The following NME7 variants were observed in gnomAD, a reference collection of about 807,000 sequenced individuals.
NME7 encodes NME/NM23 family member 7, also known as nucleoside diphosphate kinase 7.
In NME7, 41 loss-of-function variants were observed where a neutral mutation model predicts 49.1. That is an observed-to-expected ratio of 0.83 (90% confidence interval 0.65 to 1.08). NME7 has a LOEUF of 1.08. Among genes scored for constraint, NME7 ranks in the 50% least tolerant of loss-of-function variants. NME7 has a pLI of 0.00. For missense variants in NME7, 423 were observed against 463.4 expected (o/e 0.91, Z 0.80); for synonymous variants, 139 against 150.6 (o/e 0.92, Z 0.56).
At chr1:169,363,309 G>C (rs1200139132) in intron 1 of NME7, among the ~76,000 whole-genome samples, 1 of 152,062 alleles carries the variant, frequency 6.6e-6, no homozygotes, top group Non-Finnish European at 1.5e-5. Context: ...AAAGTACCCT[G>C]TGTCTTGAAC....
At chr1:169,246,878 C>T (rs1457657317) in intron 7 of NME7, 1 of 370,330 alleles carries the variant, frequency 2.7e-6, no homozygotes, top group African/African-American at 2.2e-5. Flanking sequence ...TGCATCTGGT[C>T]CAGTATAACA....
chr1:169,323,380 CTTATCAAAGA>C lies in NME7; in HGVS notation c.112-107_112-98del, dbSNP rs1283527252. 3.0e-6 allele frequency: 3 copies of C among 995,960 alleles called. No homozygotes were observed. The African/African-American group carries it at 5.0e-5, about 17-fold the overall frequency. 61.7% of individuals were successfully genotyped at this position (995,960 alleles called of 1,614,324 possible). A position where few individuals can be genotyped will look rare whatever the true frequency, so the allele number is the denominator to read the frequency against. On this transcript the variant is annotated intron_variant, in intron 2 of 11. Transcript: ENST00000367811. ...AGGTAGAAATAATTCTTAATTCTGT[CTTATCAAAGA>C]TAGGTTATATTCTGTTTCTTTTTTG...
At chr1:169,198,102 G>C (rs1483181613) in intron 10 of NME7, among the ~76,000 whole-genome samples, 4 of 151,976 alleles carry the variant, frequency 2.6e-5, no homozygotes, top group Non-Finnish European at 5.9e-5. Flanking sequence ...CACATAAAAA[G>C]ATACTCGATA....
At chr1:169,346,045 A>T (rs1006849659) in intron 1 of NME7, among the ~76,000 whole-genome samples, 1 of 152,022 alleles carries the variant, frequency 6.6e-6, no homozygotes, top group Non-Finnish European at 1.5e-5. Flanking sequence ...AAACATATAC[A>T]CATTCTAGCC....
chr1:169,295,768 A>G (rs1650683722), intron 6 of NME7, among the ~76,000 whole-genome samples: 1 of 151,984 alleles, frequency 6.6e-6, no homozygotes, highest in African/African-American at 2.4e-5. Flanking sequence ...CACACACCAC[A>G]TTTCCCTGAT....
intron 6 of NME7, among the ~76,000 whole-genome samples, chr1:169,291,717 G>C (rs1650513056): frequency 6.6e-6 from 1 of 151,954 alleles, no homozygotes; most frequent in South Asian, 2.1e-4. Flanking sequence ...AAACAACCCT[G>C]ATCAATCAGC....
In NME7 at chr1:169,200,457, T is replaced by C. The variant is rs149698186; in HGVS notation, c.990+30261A>G. On this transcript the variant is annotated intron_variant, in intron 10 of 11. Coordinates refer to ENST00000367811, the MANE Select transcript of NME7 (RefSeq NM_013330.5). ...TGATGTTTTAACATCTGGGGCCTTA[T>C]TGACCCTGAGGAGACTGTCCCTCCC... is the stretch of plus-strand genomic sequence containing the variant. 2.5e-4 allele frequency among the ~76,000 whole-genome samples: 38 copies of C among 152,210 alleles called. 1 individual carries two copies. The East Asian group carries it at 6.6e-3, about 26-fold the overall frequency.
At position 169,272,379 on chromosome 1, in the gene NME7, A is replaced by G. The variant is rs952132021; in HGVS notation, c.754+14924T>C. Among the ~76,000 whole-genome samples, 8 of 131,306 alleles carry G rather than the reference A, an allele frequency of 6.1e-5. 2 individuals are homozygous for G. The highest frequency in any genetic ancestry group is 2.1e-4 in the African/African-American group (8 of 39,016). The allele number at this position is 131,306 out of a possible 152,430, so 86.1% of individuals were successfully genotyped here. A position where few individuals can be genotyped will look rare whatever the true frequency, so the allele number is the denominator to read the frequency against. ...TGTGTGCTATGGTGGTTTGCTGCAC[A>G]TATCAACTCATTATCTAGGTATTAA... On this transcript the variant is annotated intron_variant, in intron 7 of 11. Coordinates refer to ENST00000367811, the MANE Select transcript of NME7 (RefSeq NM_013330.5).
intron 10 of NME7, among the ~76,000 whole-genome samples, chr1:169,170,602 CAAGT>C (rs1169458815): frequency 6.6e-6 from 1 of 152,044 alleles, no homozygotes; most frequent in Non-Finnish European, 1.5e-5. Context: ...ATTTTTCTAG[CAAGT>C]AAGTATCCAA....
chr1:169,140,425 C>T (rs1658556654), intron 11 of NME7, among the ~76,000 whole-genome samples: 1 of 152,090 alleles, frequency 6.6e-6, no homozygotes, highest in African/African-American at 2.4e-5. Context: ...ATAATAAAAC[C>T]TACCTCATTG....
At chr1:169,157,053 T>C (rs1659097420) in intron 11 of NME7, among the ~76,000 whole-genome samples, 1 of 152,216 alleles carries the variant, frequency 6.6e-6, no homozygotes, top group South Asian at 2.1e-4. Flanking sequence ...GCCTTTTTAA[T>C]TGATACATAA....
chr1:169,249,629 G>A (rs2101843715), intron 7 of NME7, among the ~76,000 whole-genome samples: 1 of 152,116 alleles, frequency 6.6e-6, no homozygotes, highest in East Asian at 1.9e-4. Flanking sequence ...GTCATATATG[G>A]CTTTCATTAG....
chr1:169,273,899 G>T lies in NME7; in HGVS notation c.754+13404C>A, dbSNP rs1034045080. 1.6e-5 allele frequency among the ~76,000 whole-genome samples: 2 copies of T among 128,608 alleles called. 1 individual carries two copies. Among genetic ancestry groups the T allele is most frequent in the African/African-American group, 5.2e-5 (2 of 38,188 alleles). 84.4% of individuals were successfully genotyped at this position (128,608 alleles called of 152,430 possible). On this transcript the variant is annotated intron_variant, in intron 7 of 11. Transcript: ENST00000367811. Reference sequence around the variant, plus strand: ...GGGTTGGTTCCAAGTCTTTGCTATTGTGAATAGTGCCGCAATAAACATACG... The same window carrying T: ...GGGTTGGTTCCAAGTCTTTGCTATTTTGAATAGTGCCGCAATAAACATACG...
chr1:169,143,292 G>A (rs917073916), intron 11 of NME7, among the ~76,000 whole-genome samples: 3 of 28,836 alleles, frequency 1.0e-4, no homozygotes, highest in Non-Finnish European at 2.5e-4. Context: ...TTTTTTTTTT[G>A]CATTTTATAT....
chr1:169,285,103 C>T (rs1342952716), intron 7 of NME7: 1 of 151,936 alleles, frequency 6.6e-6, no homozygotes, highest in Admixed American at 6.6e-5. Context: ...GTTGAATATT[C>T]CTTACAGAAA....
intron 3 of NME7, among the ~76,000 whole-genome samples, chr1:169,318,405 A>T (rs1174470064): frequency 1.3e-5 from 2 of 152,190 alleles, no homozygotes; most frequent in African/African-American, 2.4e-5. Flanking sequence ...GATAAAAAAG[A>T]GAAGAGAAAT....
At chr1:169,247,301 T>A (rs1180376793) in intron 7 of NME7, among the ~76,000 whole-genome samples, 1 of 152,146 alleles carries the variant, frequency 6.6e-6, no homozygotes, top group African/African-American at 2.4e-5. Flanking sequence ...TAAAATTAAG[T>A]TTCTACAGCA....
intron 11 of NME7, among the ~76,000 whole-genome samples, chr1:169,139,043 GT>G (rs1238804733): frequency 6.6e-6 from 1 of 152,134 alleles, no homozygotes. Context: ...ATGAACAGAT[GT>G]TTGTTGCTTC....
At chr1:169,325,586 A>G (rs561864717) in intron 1 of NME7, among the ~76,000 whole-genome samples, 1 of 152,284 alleles carries the variant, frequency 6.6e-6, no homozygotes, top group African/African-American at 2.4e-5. Context: ...CATTATAATA[A>G]GCAAATAAAA....
Sources: gnomAD v4.1 joint callset for allele counts (sites outside exome capture counted in the v4.1 genomes callset) on GRCh38, gnomAD v4.1.1 for gene constraint, MANE v1.5 for transcripts, NCBI Gene and HGNC (gene_info 2026-07-23, HGNC 2026-07-21) for gene names.